MEF2A: variants seen among roughly 807,000 people sequenced by gnomAD.
MEF2A encodes myocyte-specific enhancer factor 2A.
In MEF2A, 28 loss-of-function variants were observed where a neutral mutation model predicts 55.8. The observed-to-expected ratio is 0.50, with a 90% CI of 0.37 to 0.69. MEF2A has a LOEUF of 0.69. Ranked by LOEUF, MEF2A falls within the 30% of genes least tolerant of loss-of-function variation. The pLI, the probability that MEF2A is intolerant of heterozygous loss-of-function variation, is 0.00. For synonymous variants in MEF2A, 239 were observed against 227.1 expected (o/e 1.05, Z -0.47); for missense variants, 528 against 626.2 (o/e 0.84, Z 1.67).
chr15:99,680,644 A>G (rs1307582371), intron 7 of MEF2A, among the ~76,000 whole-genome samples: 2 of 152,248 alleles, frequency 1.3e-5, no homozygotes, highest in East Asian at 3.8e-4. Context: ...GAAGAAATCA[A>G]CATATTCAAC....
intron 8 of MEF2A, among the ~76,000 whole-genome samples, chr15:99,702,275 A>C (rs535222469): frequency 6.6e-6 from 1 of 152,202 alleles, no homozygotes; most frequent in Non-Finnish European, 1.5e-5. Flanking sequence ...CTTCCAGATT[A>C]GGGCTTCATG....
At chr15:99,583,382 T>A (rs1966495251) in intron 1 of MEF2A, among the ~76,000 whole-genome samples, 1 of 152,174 alleles carries the variant, frequency 6.6e-6, no homozygotes, top group Non-Finnish European at 1.5e-5. Context: ...TATGGAAACC[T>A]GTTTGATAGA....
At chr15:99,657,852 A>G (rs1437954753) in intron 4 of MEF2A, among the ~76,000 whole-genome samples, 1 of 152,160 alleles carries the variant, frequency 6.6e-6, no homozygotes, top group Admixed American at 6.5e-5. Context: ...AATAGAACAT[A>G]TCTGACAGAT....
chr15:99,614,190 T>C (rs184693909), intron 2 of MEF2A, among the ~76,000 whole-genome samples: 11 of 152,342 alleles, frequency 7.2e-5, no homozygotes, highest in African/African-American at 2.2e-4. Flanking sequence ...CTAACACAGC[T>C]ACTGATAAAT....
chr15:99,629,668 G>T (rs2042625321), intron 2 of MEF2A, among the ~76,000 whole-genome samples: 1 of 151,752 alleles, frequency 6.6e-6, no homozygotes, highest in African/African-American at 2.4e-5. Flanking sequence ...AGGGAAAAAG[G>T]CCGGGGTGGG....
chr15:99,663,559 GT>G (rs1256535004), intron 4 of MEF2A, among the ~76,000 whole-genome samples: 9 of 151,638 alleles, frequency 5.9e-5, no homozygotes, highest in African/African-American at 1.9e-4. Context: ...ATGTATAAAA[GT>G]TTTATATTTA....
intron 1 of MEF2A, among the ~76,000 whole-genome samples, chr15:99,585,588 C>T (rs534745007): frequency 9.2e-5 from 14 of 152,278 alleles, no homozygotes; most frequent in South Asian, 6.2e-4. Flanking sequence ...GACGCAGTGA[C>T]GACTTTTCAA....
intron 8 of MEF2A, among the ~76,000 whole-genome samples, chr15:99,697,707 T>C (rs2056710863): frequency 2.6e-5 from 4 of 152,214 alleles, no homozygotes; most frequent in South Asian, 4.1e-4. Flanking sequence ...GCAAGCTCTT[T>C]TGTAGTTACT....
intron 8 of MEF2A, among the ~76,000 whole-genome samples, chr15:99,692,545 A>G (rs2055687119): frequency 6.6e-6 from 1 of 152,214 alleles, no homozygotes; most frequent in Admixed American, 6.5e-5. Flanking sequence ...GAGTTAAGCT[A>G]GGGTGATTGG....
chr15:99,691,544 G>A (rs1175227731), intron 8 of MEF2A, among the ~76,000 whole-genome samples: 5 of 149,002 alleles, frequency 3.4e-5, no homozygotes, highest in African/African-American at 7.4e-5. Context: ...CTAAAAATAC[G>A]AAAATTAGCC....
At position 99,617,262 on chromosome 15, in the gene MEF2A, G is replaced by GT. The variant is rs201016011; in HGVS notation, c.-142-15703dup. On this transcript the variant is annotated intron_variant, in intron 2 of 11. Transcript: ENST00000557942. ...ATTTTTAAGGCCATATATGTGTTTG[G>GT]TTTTTTTTTTTTTGTATGGTCTGTA... is the stretch of plus-strand genomic sequence containing the variant. Among the ~76,000 whole-genome samples the GT allele has an allele frequency of 6.8e-3, 502 of 73,820 alleles. 2 individuals are homozygous for GT. Among genetic ancestry groups the GT allele is most frequent in the Middle Eastern group, 0.013 (1 of 80 alleles). The allele number at this position is 73,820 out of a possible 152,430, so 48.4% of individuals were successfully genotyped here.
intron 3 of MEF2A, among the ~76,000 whole-genome samples, chr15:99,642,542 T>C (rs1257559955): frequency 3.3e-5 from 5 of 152,204 alleles, no homozygotes; most frequent in South Asian, 2.1e-4. Flanking sequence ...ATTTTTTTTC[T>C]CTTCTCATTC....
chr15:99,671,734 T>C (rs1481729694), intron 5 of MEF2A: 14 of 1,363,996 alleles, frequency 1.0e-5, no homozygotes, highest in African/African-American at 4.4e-5. Context: ...CTTATTTTTA[T>C]AGTGGGTGAT....
intron 1 of MEF2A, among the ~76,000 whole-genome samples, chr15:99,589,220 C>T (rs150590068): frequency 2.4e-4 from 36 of 152,264 alleles, no homozygotes; most frequent in African/African-American, 7.2e-4. Flanking sequence ...TTTTAAATTA[C>T]GAATTTAGTT....
intron 2 of MEF2A, among the ~76,000 whole-genome samples, chr15:99,617,824 G>A (rs2153230176): frequency 6.6e-6 from 1 of 152,262 alleles, no homozygotes; most frequent in Non-Finnish European, 1.5e-5. Context: ...GGGAGAAGAA[G>A]CAGTAGTCAT....
intron 7 of MEF2A, among the ~76,000 whole-genome samples, chr15:99,685,321 C>T (rs779244264): frequency 7.2e-5 from 11 of 152,128 alleles, no homozygotes; most frequent in Admixed American, 6.5e-5. Context: ...TCTACCCATC[C>T]GTGAGCATGA....
intron 4 of MEF2A, among the ~76,000 whole-genome samples, chr15:99,664,495 A>G (rs766056935): frequency 3.9e-5 from 6 of 152,228 alleles, no homozygotes; most frequent in Admixed American, 6.5e-5. Context: ...GAGAAATTCA[A>G]AATGATATTG....
At position 99,645,728 on chromosome 15, in the gene MEF2A, A is replaced by C. The variant is rs2045855834; in HGVS notation, c.222A>C (p.Glu74Asp). Residue 74 changes from glutamate (E) to aspartate (D), a missense_variant, in exon 4 of 12, where the codon GAA becomes GAC. By Grantham distance (45) the Glu-to-Asp change is conservative (BLOSUM62 2). Around this residue, in one of 2 missense-constraint regions of MEF2A, gnomAD observed 78 missense variants for 150.9 expected, o/e 0.52. Transcript: ENST00000557942. ...TTCTCAAGTATACAGAATATAATGA[A>C]CCTCATGAAAGCAGAACCAACTCGG... ...KVLLKYTEYN[E>D]PHESRTNSDI... 1 of 1,610,494 alleles carries C rather than the reference A, an allele frequency of 6.2e-7. No homozygotes were observed. Among genetic ancestry groups the C allele is most frequent in the African/African-American group, 1.3e-5 (1 of 74,860 alleles).
chr15:99,690,571 G>C, intron 8 of MEF2A, 143 bp downstream of exon 8: 2 of 805,458 alleles, frequency 2.5e-6, no homozygotes, highest in Non-Finnish European at 4.2e-6. Context: ...ATTAGTATTT[G>C]AAGAGACAAG....
Sources: gnomAD v4.1 joint callset for allele counts (sites outside exome capture counted in the v4.1 genomes callset) on GRCh38, gnomAD v4.1.1 for gene constraint, gnomAD v4.1.1 regional missense constraint, MANE v1.5 for transcripts, NCBI Gene and HGNC (gene_info 2026-07-23, HGNC 2026-07-21) for gene names.